The following CPNE4 variants were observed in gnomAD, a reference collection of about 807,000 sequenced individuals.
The protein encoded by CPNE4 is copine-4.
Under a neutral mutation model 67.9 loss-of-function variants are expected in CPNE4, and 25 were observed. The ratio of observed to expected loss-of-function variants is 0.37; its 90% CI spans 0.27 to 0.51. The LOEUF (loss-of-function observed/expected upper bound fraction) is 0.51, where lower values mean the gene tolerates loss of function less well. CPNE4 is among the 20% of genes least tolerant of loss of function. The pLI is 0.93. For missense variants in CPNE4, 464 were observed against 690.8 expected (o/e 0.67, Z 3.68); for synonymous variants, 242 against 244.9 (o/e 0.99, Z 0.11).
chr3:131,645,777 T>TCTCACTTC (rs1382794976), intron 7 of CPNE4, among the ~76,000 whole-genome samples: 2 of 152,172 alleles, frequency 1.3e-5, no homozygotes, highest in African/African-American at 4.8e-5. Context: ...TTTTAGACTT[T>TCTCACTTC]CTCACTTCCT....
intron 1 of CPNE4, among the ~76,000 whole-genome samples, chr3:132,034,334 A>C (rs2074302429): frequency 6.6e-6 from 1 of 151,616 alleles, no homozygotes; most frequent in African/African-American, 2.4e-5. Flanking sequence ...GCCCCACCCC[A>C]CCTGGGCGAG....
chr3:131,913,645 GC>G, intron 1 of CPNE4, among the ~76,000 whole-genome samples: 1 of 152,274 alleles, frequency 6.6e-6, no homozygotes, highest in Non-Finnish European at 1.5e-5. Flanking sequence ...CTGCTCTAAA[GC>G]TTTTTAATAA....
chr3:132,039,142 A>G (rs1258693318), upstream of CPNE4, among the ~76,000 whole-genome samples: 1 of 152,230 alleles, frequency 6.6e-6, no homozygotes, highest in South Asian at 2.1e-4. Flanking sequence ...CATTGCAGAA[A>G]GTTTTGTTAT....
rs570559741 is a variant in CPNE4, at chr3:131,886,405, G to A, written c.180+18859C>T. On this transcript the variant is annotated intron_variant, in intron 2 of 15. Transcript: ENST00000429747. ...CTGGATGCCCAGGCAGAAGTTTGCA[G>A]CAGGGGTGGGGCTATCATGGGGAAC... Among the ~76,000 whole-genome samples, 5 of 152,372 alleles carry A rather than the reference G, an allele frequency of 3.3e-5. No homozygotes were observed. The East Asian group carries it at 5.8e-4, about 18-fold the overall frequency.
intron 2 of CPNE4, among the ~76,000 whole-genome samples, chr3:131,863,033 T>A (rs1367546076): frequency 6.6e-6 from 1 of 151,832 alleles, no homozygotes; most frequent in Non-Finnish European, 1.5e-5. Context: ...ACAAAAGACA[T>A]GAACTCATCA....
At chr3:131,980,974 G>A (rs1240389593) in intron 1 of CPNE4, among the ~76,000 whole-genome samples, 1 of 152,088 alleles carries the variant, frequency 6.6e-6, no homozygotes, top group Non-Finnish European at 1.5e-5. Flanking sequence ...TCTGGGTCTA[G>A]CCACCCAGCA....
chr3:131,581,953 T>C (rs1937866083), intron 8 of CPNE4, among the ~76,000 whole-genome samples: 1 of 152,194 alleles, frequency 6.6e-6, no homozygotes, highest in Non-Finnish European at 1.5e-5. Context: ...AAAATGGAGC[T>C]TATAATTATA....
intron 7 of CPNE4, among the ~76,000 whole-genome samples, chr3:131,633,072 A>T (rs538838501): frequency 1.3e-5 from 2 of 152,270 alleles, no homozygotes; most frequent in South Asian, 4.1e-4. Context: ...CTCAGCTAAT[A>T]GTATCTCTAC....
At chr3:131,653,983 G>A (rs1039928172) in intron 7 of CPNE4, among the ~76,000 whole-genome samples, 4 of 152,224 alleles carry the variant, frequency 2.6e-5, no homozygotes, top group South Asian at 2.1e-4. Flanking sequence ...TAAGTTAAGC[G>A]GTGGTTCTTT....
chr3:131,723,406 TAGGATGGCA>T (rs771442845), intron 3 of CPNE4, 31 bp downstream of exon 3: 1 of 1,585,342 alleles, frequency 6.3e-7, no homozygotes, highest in South Asian at 1.1e-5. Context: ...AGAAAGGCCC[TAGGATGGCA>T]AGGAGGAGGA....
At chr3:131,602,558 A>G (rs1273863161) in intron 7 of CPNE4, among the ~76,000 whole-genome samples, 1 of 152,108 alleles carries the variant, frequency 6.6e-6, no homozygotes, top group Non-Finnish European at 1.5e-5. Flanking sequence ...TTGGAGATTT[A>G]TGGCTTTGGG....
At chr3:131,968,675 G>T (rs1308300672) in intron 1 of CPNE4, among the ~76,000 whole-genome samples, 4 of 152,194 alleles carry the variant, frequency 2.6e-5, no homozygotes, top group African/African-American at 7.2e-5. Context: ...ATGCCAGTTA[G>T]AATGGCAATC....
chr3:131,696,035 G>A (rs1346305115), intron 5 of CPNE4, among the ~76,000 whole-genome samples: 1 of 152,152 alleles, frequency 6.6e-6, no homozygotes, highest in Non-Finnish European at 1.5e-5. Flanking sequence ...CCCAACAAAG[G>A]TTTGGAAAAT....
chr3:131,913,516 C>T (rs906088616), intron 1 of CPNE4, among the ~76,000 whole-genome samples: 9 of 152,268 alleles, frequency 5.9e-5, no homozygotes, highest in South Asian at 2.1e-4. Flanking sequence ...GAAGAAGGGA[C>T]GCAAGACCCC....
chr3:131,935,338 A>G (rs2071191866), intron 1 of CPNE4, among the ~76,000 whole-genome samples: 1 of 152,208 alleles, frequency 6.6e-6, no homozygotes. Flanking sequence ...TGAAGAAATC[A>G]ATAACTTGGA....
chr3:131,686,162 T>G (rs1157912227), intron 5 of CPNE4, among the ~76,000 whole-genome samples: 1 of 152,170 alleles, frequency 6.6e-6, no homozygotes, highest in Non-Finnish European at 1.5e-5. Context: ...CCACCCTTTC[T>G]TCCTTTGATC....
intron 1 of CPNE4, among the ~76,000 whole-genome samples, chr3:131,931,803 AC>A (rs2071069769): frequency 6.6e-6 from 1 of 152,206 alleles, no homozygotes; most frequent in Non-Finnish European, 1.5e-5. Flanking sequence ...TGGAGAAATT[AC>A]TTTACTTCTA....
intron 2 of CPNE4, among the ~76,000 whole-genome samples, chr3:131,885,587 T>C (rs554349871): frequency 6.6e-6 from 1 of 151,982 alleles, no homozygotes; most frequent in African/African-American, 2.4e-5. Flanking sequence ...CATGTGCACA[T>C]TGTGCAGGTT....
chr3:131,738,001 T>G (rs529073837), intron 2 of CPNE4, among the ~76,000 whole-genome samples: 144 of 152,346 alleles, frequency 9.5e-4, no homozygotes, highest in African/African-American at 3.2e-3. Flanking sequence ...TTTTCAGCAC[T>G]GGGCCCTAGG....
Sources: gnomAD v4.1 joint callset for allele counts (sites outside exome capture counted in the v4.1 genomes callset) on GRCh38, gnomAD v4.1.1 for gene constraint, MANE v1.5 for transcripts, NCBI Gene and HGNC (gene_info 2026-07-23, HGNC 2026-07-21) for gene names.